TSPAN10: variants seen among roughly 807,000 people sequenced by gnomAD.
The protein encoded by TSPAN10 is tetraspanin-10.
Under a neutral mutation model 15.0 loss-of-function variants are expected in TSPAN10, and 11 were observed. That is an observed-to-expected ratio of 0.73 (90% CI 0.46 to 1.21). The LOEUF (loss-of-function observed/expected upper bound fraction) is 1.21. Among genes scored for constraint, TSPAN10 ranks in the 50% most tolerant of loss-of-function variants. The pLI is 0.00. For synonymous variants in TSPAN10, 241 were observed against 226.2 expected (o/e 1.07, Z -0.59); for missense variants, 486 against 470.6 (o/e 1.03, Z -0.30).
At chr17:81,647,833 G>A in intron 2 of TSPAN10, 68 bp from the exon 4 acceptor site, 1 of 1,528,124 alleles carries the variant, frequency 6.5e-7, no homozygotes, top group Non-Finnish European at 8.8e-7. Flanking sequence ...GGCGACATTC[G>A]CCTCTGTGCC....
Position 81,644,653 on chromosome 17 carries a change from C to A in TSPAN10, c.37-339C>A, listed in dbSNP as rs1014113229. ...CCTGACCCGGGGAGGCCGCAGACACCCACGCATAGGACCAGGAGGGAGTGG... is the reference window on the plus strand; with the variant it reads ...CCTGACCCGGGGAGGCCGCAGACACACACGCATAGGACCAGGAGGGAGTGG... On this transcript the variant is annotated intron_variant, in intron 1 of 2. Transcript: ENST00000611590. Among the ~76,000 whole-genome samples the A allele has an allele frequency of 2.6e-5, 4 of 152,324 alleles. No individual in the cohort carries two copies. In the South Asian group the frequency reaches 8.3e-4, roughly 32 times the overall value.
chr17:81,648,175 G>A (rs1162883775), exon 3 of TSPAN10: 1 of 1,437,820 alleles, frequency 7.0e-7, no homozygotes, highest in East Asian at 2.8e-5. Context: ...CCGGCTACTC[G>A]GGGCCCTCGC....
chr17:81,648,063 C>T, exon 3 of TSPAN10: 2 of 1,564,898 alleles, frequency 1.3e-6, no homozygotes, highest in Middle Eastern at 1.7e-4. Context: ...TGGAGGGCTG[C>T]GGCCCGCCGC....
At chr17:81,645,901 C>G in intron 2 of TSPAN10, 1 of 591,070 alleles carries the variant, frequency 1.7e-6, no homozygotes, top group Non-Finnish European at 3.0e-6. Context: ...CAGGCACACA[C>G]TCACACTCAA....
At chr17:81,637,360 G>A in exon 1 of TSPAN10, 1 of 698,492 alleles carries the variant, frequency 1.4e-6, no homozygotes, top group Non-Finnish European at 2.6e-6. Flanking sequence ...GTATTATAGC[G>A]TATTATAATT....
chr17:81,648,312 C>T (rs1235549147), downstream of TSPAN10: 40 of 1,204,310 alleles, frequency 3.3e-5, no homozygotes, highest in Non-Finnish European at 3.9e-5. Flanking sequence ...CCCCGAGGTC[C>T]GAGACCGCCA....
In TSPAN10 at chr17:81,647,885, T is replaced by G; in HGVS notation, c.675-16T>G. ...GGCCCTCCCCGCCAGAACTGACGAT[T>G]CCATGCGCCTTGCAGGTACTTTAAC... On this transcript the variant is annotated splice_polypyrimidine_tract_variant and intron_variant, in intron 2 of 2. Coordinates refer to ENST00000611590, the Ensembl canonical transcript of TSPAN10. 1.9e-6 allele frequency: 3 copies of G among 1,593,424 alleles called. No homozygotes were observed. Among genetic ancestry groups the G allele is most frequent in the Non-Finnish European group, 2.6e-6 (3 of 1,176,024 alleles).
upstream of TSPAN10, chr17:81,642,345 C>T: frequency 6.3e-7 from 1 of 1,596,626 alleles, no homozygotes; most frequent in Non-Finnish European, 8.6e-7. Context: ...CCCAGCAGCC[C>T]AGCCACAGAG....
At position 81,647,073 on chromosome 17, in the gene TSPAN10, G is replaced by A. The variant is rs143784216; in HGVS notation, c.675-828G>A. ...TGTATCCAGGAGCAGCTGAACACAA[G>A]AGATGAAGTCATAGGCAACCCTGAA... On this transcript the variant is annotated intron_variant, in intron 2 of 2. Transcript: ENST00000611590. 9.4e-4 allele frequency among the ~76,000 whole-genome samples: 143 copies of A among 152,258 alleles called. 1 individual carries two copies. Among genetic ancestry groups the A allele is most frequent in the African/African-American group, 3.2e-3 (131 of 41,560 alleles).
upstream of TSPAN10, among the ~76,000 whole-genome samples, chr17:81,641,467 G>A (rs773681907): frequency 6.8e-5 from 10 of 147,234 alleles, no homozygotes; most frequent in Non-Finnish European, 6.0e-5. Context: ...CCCCATCTCC[G>A]CTTGCCCCAC....
At chr17:81,642,736 T>C (rs1404065382) in intron 1 of TSPAN10, among the ~76,000 whole-genome samples, 2 of 152,130 alleles carry the variant, frequency 1.3e-5, no homozygotes, top group African/African-American at 4.8e-5. Flanking sequence ...TGAAGGCAAA[T>C]GTCCCTTGCA....
At chr17:81,641,851 T>G (rs2036180943), upstream of TSPAN10, among the ~76,000 whole-genome samples, 1 of 150,928 alleles carries the variant, frequency 6.6e-6, no homozygotes, top group African/African-American at 2.4e-5. Context: ...CACTCCAGCC[T>G]GGGCAACAAG....
rs1425562889 is a variant in TSPAN10, at chr17:81,645,632, G to A, written c.674+3G>A. The A allele has an allele frequency of 6.2e-7, 1 of 1,611,608 alleles. No homozygotes were observed. Among genetic ancestry groups the A allele is most frequent in the South Asian group, 1.1e-5 (1 of 90,828 alleles). On this transcript the variant is annotated splice_donor_region_variant and intron_variant, in intron 2 of 2. Transcript: ENST00000611590. Reference sequence around the variant, plus strand: ...TACCAGGACTGGCAGCAGAACCTGTGAGTCTTGGAGTGGGCGAGGGACAGG... The same window carrying A: ...TACCAGGACTGGCAGCAGAACCTGTAAGTCTTGGAGTGGGCGAGGGACAGG...
At position 81,647,882 on chromosome 17, in the gene TSPAN10, G is replaced by C. The variant is rs2036276045; in HGVS notation, c.675-19G>C. 1 of 1,592,650 alleles carries C rather than the reference G, an allele frequency of 6.3e-7. No individual in the cohort carries two copies. Among genetic ancestry groups the C allele is most frequent in the Non-Finnish European group, 8.5e-7 (1 of 1,175,950 alleles). ...GCGGGCCCTCCCCGCCAGAACTGAC[G>C]ATTCCATGCGCCTTGCAGGTACTTT... On this transcript the variant is annotated intron_variant, in intron 2 of 2. Transcript: ENST00000611590.
chr17:81,647,715 A>C, intron 2 of TSPAN10, 186 bp from the exon 4 acceptor site: 4 of 665,380 alleles, frequency 6.0e-6, no homozygotes, highest in Non-Finnish European at 1.1e-5. Context: ...GATACGTTAT[A>C]GAGAGCCAGG....
At chr17:81,645,160 C>A in exon 2 of TSPAN10, 1 of 1,562,070 alleles carries the variant, frequency 6.4e-7, no homozygotes. Context: ...AGCCCCTTCC[C>A]TCTCCCCAGG....
At chr17:81,645,236 C>T in exon 2 of TSPAN10, 3 of 1,537,628 alleles carry the variant, frequency 2.0e-6, no homozygotes, top group South Asian at 2.6e-5. Context: ...GGGCTGCTGG[C>T]CCTGGCCATC....
downstream of TSPAN10, chr17:81,648,400 G>T (rs987161236): frequency 9.3e-6 from 10 of 1,075,246 alleles, no homozygotes; most frequent in African/African-American, 1.7e-4. Context: ...ATTTCGCTCG[G>T]GCTTCGGGTG....
At chr17:81,647,033 A>C (rs1240878725) in intron 2 of TSPAN10, among the ~76,000 whole-genome samples, 2 of 152,152 alleles carry the variant, frequency 1.3e-5, no homozygotes, top group East Asian at 3.9e-4. Flanking sequence ...CTGTCTCCCA[A>C]GCCTTCTTGG....
Sources: gnomAD v4.1 joint callset for allele counts (sites outside exome capture counted in the v4.1 genomes callset) on GRCh38, gnomAD v4.1.1 for gene constraint, MANE v1.5 for transcripts, NCBI Gene and HGNC (gene_info 2026-07-23, HGNC 2026-07-21) for gene names.